Variants in TAOK1 observed in about 807,000 individuals in gnomAD.
TAOK1 encodes serine/threonine-protein kinase TAO1.
In TAOK1, 21 loss-of-function variants were observed where a neutral mutation model predicts 138.3. The observed-to-expected ratio is 0.15, with a 90% CI of 0.11 to 0.22. The LOEUF (loss-of-function observed/expected upper bound fraction) is 0.22. TAOK1 is among the 10% of genes least tolerant of loss of function. The pLI is 1.00. For synonymous variants in TAOK1, 361 were observed against 398.4 expected (o/e 0.91, Z 1.12); for missense variants, 651 against 1,227.7 (o/e 0.53, Z 7.02).
chr17:29,432,713 G>A (rs1905884735), intron 1 of TAOK1, among the ~76,000 whole-genome samples: 1 of 152,026 alleles, frequency 6.6e-6, no homozygotes, highest in South Asian at 2.1e-4. Flanking sequence ...AACCTCAGGT[G>A]ATCCACCCAC....
intron 1 of TAOK1, among the ~76,000 whole-genome samples, chr17:29,422,244 C>T (rs1259613349): frequency 6.6e-6 from 1 of 151,570 alleles, no homozygotes; most frequent in Non-Finnish European, 1.5e-5. Context: ...CGCTCTGTCG[C>T]CCAGGCTGGA....
chr17:29,526,831 A>T (rs1260779853), intron 17 of TAOK1, among the ~76,000 whole-genome samples: 13 of 148,642 alleles, frequency 8.7e-5, no homozygotes, highest in African/African-American at 2.9e-4. Flanking sequence ...AAAAAAAAAA[A>T]AAAAAAAAAA....
At chr17:29,391,317 C>T (rs1289304297) in intron 1 of TAOK1, among the ~76,000 whole-genome samples, 1 of 152,092 alleles carries the variant, frequency 6.6e-6, no homozygotes, top group African/African-American at 2.4e-5. Context: ...ATGTGCACCC[C>T]GGTTTAAAGG....
At chr17:29,468,135 A>ATTTTTTTT (rs761962930) in intron 3 of TAOK1, among the ~76,000 whole-genome samples, 1,869 of 76,006 alleles carry the variant, frequency 0.025, 405 homozygotes, top group East Asian at 0.14. Context: ...CCTGCTTTCA[A>ATTTTTTTT]TTTTTTTTTT....
intron 1 of TAOK1, among the ~76,000 whole-genome samples, chr17:29,397,828 T>C (rs1904708899): frequency 6.6e-6 from 1 of 150,940 alleles, no homozygotes; most frequent in South Asian, 2.1e-4. Flanking sequence ...TATACATGTA[T>C]ATATATGTGT....
At chr17:29,424,317 G>T (rs896843635) in intron 1 of TAOK1, among the ~76,000 whole-genome samples, 6 of 148,744 alleles carry the variant, frequency 4.0e-5, no homozygotes, top group Admixed American at 2.0e-4. Context: ...GGTGCCTGTA[G>T]TCCCAGCTAC....
intron 17 of TAOK1, among the ~76,000 whole-genome samples, chr17:29,527,291 AAAAAG>A (rs2032027816): frequency 6.6e-6 from 1 of 151,718 alleles, no homozygotes; most frequent in African/African-American, 2.4e-5. Context: ...CCTGTCTCAA[AAAAAG>A]AAAAGAAAAA....
intron 1 of TAOK1, chr17:29,445,378 A>G (rs1003482825): frequency 1.3e-5 from 2 of 152,382 alleles, no homozygotes; most frequent in African/African-American, 4.8e-5. Flanking sequence ...CAATTTTAGC[A>G]TATGTGCTGC....
intron 12 of TAOK1, among the ~76,000 whole-genome samples, 199 bp downstream of exon 12, chr17:29,498,720 C>T (rs543423326): frequency 2.6e-4 from 39 of 152,202 alleles, no homozygotes; most frequent in African/African-American, 8.4e-4. Flanking sequence ...GAGTTCAAGA[C>T]CAGCCTGGCC....
chr17:29,480,666 TGA>T (rs1342373810), intron 7 of TAOK1, among the ~76,000 whole-genome samples, 185 bp downstream of exon 7: 1 of 151,810 alleles, frequency 6.6e-6, no homozygotes, highest in Non-Finnish European at 1.5e-5. Context: ...GTCAGGAGTT[TGA>T]GACCAGCCTG....
At chr17:29,428,791 A>ATTTT (rs5819868) in intron 1 of TAOK1, among the ~76,000 whole-genome samples, 1 of 144,678 alleles carries the variant, frequency 6.9e-6, no homozygotes, top group Non-Finnish European at 1.5e-5. Flanking sequence ...ACCTGACTAA[A>ATTTT]TTTTTTTTTT....
intron 1 of TAOK1, among the ~76,000 whole-genome samples, chr17:29,427,527 CAA>C (rs1255682171): frequency 5.3e-4 from 34 of 64,136 alleles, no homozygotes; most frequent in Middle Eastern, 0.01. Flanking sequence ...AACTCCGTCT[CAA>C]AAAAAAAAAA....
intron 1 of TAOK1, among the ~76,000 whole-genome samples, chr17:29,407,528 C>A (rs1905027643): frequency 1.3e-5 from 2 of 152,000 alleles, no homozygotes; most frequent in Admixed American, 6.6e-5. Context: ...TCACTGCAAC[C>A]TTGACCTCCC....
intron 15 of TAOK1, chr17:29,511,790 G>C (rs1018671431): frequency 6.6e-6 from 1 of 152,214 alleles, no homozygotes; most frequent in Non-Finnish European, 1.5e-5. Context: ...CAAGCAGTCC[G>C]CCTACCTCGG....
In TAOK1 at chr17:29,495,772, G is replaced by A. The variant is rs572263036; in HGVS notation, c.999+45G>A. The A allele has an allele frequency of 4.9e-6, 7 of 1,426,406 alleles. No individual in the cohort carries two copies. The East Asian group carries it at 1.0e-4, about 21-fold the overall frequency. The allele number at this position is 1,426,406 out of a possible 1,614,324, so 88.4% of individuals were successfully genotyped here. ...CTCCAATATTGAATTTTCACTTTTG[G>A]TTTCTTTCCTTATGCAGCTTGCCCT... On this transcript the variant is annotated intron_variant, in intron 11 of 19. Coordinates refer to ENST00000261716, the MANE Select transcript of TAOK1 (RefSeq NM_020791.4).
chr17:29,505,735 A>T (rs1955469642), intron 13 of TAOK1, among the ~76,000 whole-genome samples: 1 of 152,002 alleles, frequency 6.6e-6, no homozygotes, highest in African/African-American at 2.4e-5. Context: ...GGAGTTCAAG[A>T]CCAGCCTGGC....
In TAOK1 at chr17:29,431,299, G is replaced by T. The variant is rs192389248; in HGVS notation, c.-94-20156G>T. Among the ~76,000 whole-genome samples, 268 of 152,198 alleles carry T rather than the reference G, an allele frequency of 1.8e-3. 1 individual carries two copies. Among genetic ancestry groups the T allele is most frequent in the Non-Finnish European group, 2.9e-3 (199 of 68,024 alleles). On this transcript the variant is annotated intron_variant, in intron 1 of 19. Coordinates refer to ENST00000261716, the MANE Select transcript of TAOK1 (RefSeq NM_020791.4). ...CTACTAAAAAGAAAACATATTAGTT[G>T]AGCATGGTGGTGTGTGCCTGTAGTC...
chr17:29,525,458 G>A (rs779683715), intron 17 of TAOK1, among the ~76,000 whole-genome samples: 23 of 133,054 alleles, frequency 1.7e-4, no homozygotes, highest in Non-Finnish European at 2.8e-4. Flanking sequence ...CTAGGCTGGA[G>A]TGCAGTGGCA....
At chr17:29,454,228 T>C (rs1157556687) in intron 2 of TAOK1, among the ~76,000 whole-genome samples, 2 of 152,202 alleles carry the variant, frequency 1.3e-5, no homozygotes, top group Non-Finnish European at 2.9e-5. Context: ...CAGTTGATCA[T>C]ATTTCATAGA....
Sources: allele counts gnomAD v4.1 joint callset (sites outside exome capture counted in the v4.1 genomes callset), GRCh38; gene constraint gnomAD v4.1.1; transcripts MANE v1.5; gene names NCBI Gene and HGNC (gene_info 2026-07-23, HGNC 2026-07-21).